Variants in NELL2 observed in about 807,000 individuals in gnomAD.
NELL2 encodes protein kinase C-binding protein NELL2.
A neutral mutation model predicts 109.6 loss-of-function variants in NELL2; 41 were observed. The observed-to-expected ratio is 0.37, with a 90% CI of 0.29 to 0.49. NELL2 has a LOEUF of 0.49. NELL2 is among the 20% of genes least tolerant of loss of function. The probability of loss-of-function intolerance (pLI) is 0.98; values close to 1 mark genes in which losing one functional copy is unlikely to be tolerated. For missense variants in NELL2, 900 were observed against 1,008.3 expected (o/e 0.89, Z 1.45); for synonymous variants, 355 against 344.7 (o/e 1.03, Z -0.33).
chr12:44,832,192 G>A (rs1017369994), intron 2 of NELL2, among the ~76,000 whole-genome samples: 5 of 152,092 alleles, frequency 3.3e-5, no homozygotes, highest in Non-Finnish European at 7.4e-5. Context: ...GGCCTTTGGG[G>A]CCACAGTTTT....
rs1036032283 is a variant in NELL2, at chr12:44,747,964, G to A, written c.994+26783C>T. On this transcript the variant is annotated intron_variant, in intron 9 of 19. Coordinates refer to ENST00000429094, the MANE Select transcript of NELL2 (RefSeq NM_001145108.2). ...AACCAAACTCGTAATGGAAAGATTC[G>A]AAGGCAAGTGGTCTTGCATCAGAGT... Among the ~76,000 whole-genome samples the A allele has an allele frequency of 2.0e-5, 3 of 152,086 alleles. No homozygotes were observed. The East Asian group carries it at 5.8e-4, about 29-fold the overall frequency.
chr12:44,911,644 T>A (rs186233838), intron 1 of NELL2, among the ~76,000 whole-genome samples: 202 of 152,068 alleles, frequency 1.3e-3, no homozygotes, highest in Admixed American at 3.0e-3. Context: ...ATAGAGGTTT[T>A]ATCAGGACTG....
chr12:44,774,548 T>C (rs945354438), intron 9 of NELL2, 199 bp downstream of exon 9: 1 of 550,576 alleles, frequency 1.8e-6, no homozygotes, highest in Non-Finnish European at 3.2e-6. Context: ...CAAGAAAAAA[T>C]TGTCCTACTG....
intron 16 of NELL2, among the ~76,000 whole-genome samples, chr12:44,527,646 C>T (rs1941845472): frequency 6.6e-6 from 1 of 152,118 alleles, no homozygotes; most frequent in Non-Finnish European, 1.5e-5. Context: ...AGAAAAATAG[C>T]ACCTTCTCTG....
intron 1 of NELL2, chr12:44,913,784 T>C (rs1945804405): frequency 2.4e-6 from 2 of 833,418 alleles, no homozygotes; most frequent in Admixed American, 2.9e-5. Flanking sequence ...ATTAAAATGA[T>C]AAGAAAGAAC....
chr12:44,733,580 T>C (rs1010499417), intron 9 of NELL2, among the ~76,000 whole-genome samples: 1 of 151,976 alleles, frequency 6.6e-6, no homozygotes, highest in Non-Finnish European at 1.5e-5. Context: ...GGAGTTTCTA[T>C]TCAATGGTTA....
chr12:44,602,413 T>A (rs1945254405), intron 15 of NELL2, among the ~76,000 whole-genome samples: 1 of 152,202 alleles, frequency 6.6e-6, no homozygotes, highest in African/African-American at 2.4e-5. Context: ...GAAGCAAAGC[T>A]TCCTTAATTC....
At chr12:44,688,414 T>C (rs1273301706) in intron 12 of NELL2, among the ~76,000 whole-genome samples, 1 of 152,242 alleles carries the variant, frequency 6.6e-6, no homozygotes, top group Non-Finnish European at 1.5e-5. Context: ...ATGTGAAGTA[T>C]ACAAGCTTAA....
intron 19 of NELL2, among the ~76,000 whole-genome samples, chr12:44,517,371 TTCTCTCTC>T (rs71093810): frequency 0.14 from 14,777 of 102,474 alleles, 893 homozygotes; most frequent in Admixed American, 0.2. Flanking sequence ...ACCAACTACT[TTCTCTCTC>T]TCTCTCTCTC....
intron 15 of NELL2, among the ~76,000 whole-genome samples, chr12:44,544,469 T>G (rs527807339): frequency 6.6e-6 from 1 of 152,272 alleles, no homozygotes; most frequent in African/African-American, 2.4e-5. Flanking sequence ...ATATGCCATC[T>G]TTGGGAGTTA....
At chr12:44,784,783 T>C (rs1463324276) in intron 3 of NELL2, among the ~76,000 whole-genome samples, 9 of 152,034 alleles carry the variant, frequency 5.9e-5, no homozygotes, top group Admixed American at 6.6e-5. Flanking sequence ...CAAAAAAACA[T>C]ATGATTATCT....
chr12:44,829,263 A>C (rs1391349338), intron 2 of NELL2, among the ~76,000 whole-genome samples: 1 of 152,202 alleles, frequency 6.6e-6, no homozygotes, highest in Non-Finnish European at 1.5e-5. Flanking sequence ...TGTCATTCAC[A>C]ACTTTAATAG....
intron 1 of NELL2, among the ~76,000 whole-genome samples, chr12:44,887,453 T>A (rs992919361): frequency 1.3e-5 from 2 of 152,064 alleles, no homozygotes; most frequent in Admixed American, 6.5e-5. Context: ...GTCTTTTTTA[T>A]AAAAGCCGTT....
chr12:44,722,078 A>G (rs1680062309), intron 9 of NELL2, among the ~76,000 whole-genome samples: 1 of 152,166 alleles, frequency 6.6e-6, no homozygotes, highest in South Asian at 2.1e-4. Flanking sequence ...GAGATGGAAC[A>G]GGAGAAGGAA....
intron 13 of NELL2, among the ~76,000 whole-genome samples, chr12:44,641,537 T>C (rs889576091): frequency 1.3e-5 from 2 of 151,438 alleles, no homozygotes; most frequent in Non-Finnish European, 2.9e-5. Flanking sequence ...ATGAGGAAAA[T>C]AAACTGTAAT....
At position 44,644,625 on chromosome 12, in the gene NELL2, T is replaced by TAC. The variant is rs1555190886; in HGVS notation, c.1444+20857_1444+20858dup. The stretch of plus-strand genomic sequence containing the variant: ...ATATGTATGTATATATATATATATA[T>TAC]ACATACATATATATATATATATATA... On this transcript the variant is annotated intron_variant, in intron 13 of 19. Transcript: ENST00000429094. Among the ~76,000 whole-genome samples the TAC allele has an allele frequency of 8.7e-4, 86 of 98,762 alleles. 2 individuals are homozygous for TAC. The highest frequency in any genetic ancestry group is 2.6e-3 in the South Asian group (8 of 3,068). The allele number at this position is 98,762 out of a possible 152,430, so 64.8% of individuals were successfully genotyped here. A position where few individuals can be genotyped will look rare whatever the true frequency, so the allele number is the denominator to read the frequency against.
intron 9 of NELL2, among the ~76,000 whole-genome samples, chr12:44,726,170 A>C (rs1743540392): frequency 6.6e-6 from 1 of 152,216 alleles, no homozygotes; most frequent in African/African-American, 2.4e-5. Flanking sequence ...CACAGTTATA[A>C]ACTAAGAAAG....
At chr12:44,693,671 T>C (rs1948969772) in intron 12 of NELL2, among the ~76,000 whole-genome samples, 1 of 152,198 alleles carries the variant, frequency 6.6e-6, no homozygotes, top group African/African-American at 2.4e-5. Flanking sequence ...TGAATGGAAA[T>C]TGTTTTGAGT....
intron 1 of NELL2, among the ~76,000 whole-genome samples, chr12:44,921,473 C>A (rs1244584209): frequency 1.3e-5 from 2 of 152,120 alleles, no homozygotes; most frequent in South Asian, 2.1e-4. Context: ...GTTAGACAGG[C>A]AGGCTTGAAT....
Sources: allele counts gnomAD v4.1 joint callset (sites outside exome capture counted in the v4.1 genomes callset), GRCh38; gene constraint gnomAD v4.1.1; transcripts MANE v1.5; gene names NCBI Gene and HGNC (gene_info 2026-07-23, HGNC 2026-07-21).